The following ATF1 variants were observed in gnomAD, a reference collection of about 807,000 sequenced individuals.
ATF1 encodes activating transcription factor 1.
Under a neutral mutation model 34.7 loss-of-function variants are expected in ATF1, and 16 were observed. That is an observed-to-expected ratio of 0.46 (90% CI 0.31 to 0.70). The LOEUF is 0.70. Ranked by LOEUF, ATF1 falls within the 30% of genes least tolerant of loss-of-function variation. The pLI, the probability that ATF1 is intolerant of heterozygous loss-of-function variation, is 0.05. For missense variants in ATF1, 255 were observed against 321.6 expected, an observed-to-expected ratio of 0.79 and a Z score of 1.58; for synonymous variants, 105 against 113.1, an observed-to-expected ratio of 0.93 and a Z score of 0.46.
chr12:50,770,613 C>A (rs964619787), intron 1 of ATF1, among the ~76,000 whole-genome samples: 1 of 152,178 alleles, frequency 6.6e-6, no homozygotes, highest in Non-Finnish European at 1.5e-5. Flanking sequence ...GCACTTTATA[C>A]AAACAATCAG....
At chr12:50,803,892 T>A (rs1003278447) in intron 3 of ATF1, among the ~76,000 whole-genome samples, 1 of 152,176 alleles carries the variant, frequency 6.6e-6, no homozygotes, top group Admixed American at 6.5e-5. Context: ...ACGTCCAAAA[T>A]AGACAAATTT....
chr12:50,799,606 G>T (rs1315320056), intron 3 of ATF1, among the ~76,000 whole-genome samples: 2 of 152,068 alleles, frequency 1.3e-5, no homozygotes, highest in Non-Finnish European at 2.9e-5. Flanking sequence ...TTATTAAACT[G>T]TTCCAACAAG....
At chr12:50,795,415 A>T (rs1941389649) in intron 2 of ATF1, among the ~76,000 whole-genome samples, 1 of 151,966 alleles carries the variant, frequency 6.6e-6, no homozygotes, top group Non-Finnish European at 1.5e-5. Flanking sequence ...GGCTTTAAGG[A>T]CTCTAAAAAG....
intron 3 of ATF1, among the ~76,000 whole-genome samples, chr12:50,796,335 A>G (rs774171505): frequency 6.6e-6 from 1 of 152,194 alleles, no homozygotes; most frequent in Non-Finnish European, 1.5e-5. Flanking sequence ...TTGAAGTTAC[A>G]ATGATCTGTG....
At position 50,780,646 on chromosome 12, in the gene ATF1, T is replaced by C. The variant is rs563040678; in HGVS notation, c.93+408T>C. On this transcript the variant is annotated intron_variant, in intron 2 of 6. Coordinates refer to ENST00000262053, the MANE Select transcript of ATF1 (RefSeq NM_005171.5). ...AGGTGTGAGCCACCAGACCTGGCAT[T>C]AATGTTAAAAAAAAAAAAAAACAAA... Among the ~76,000 whole-genome samples the C allele has an allele frequency of 4.9e-4, 41 of 83,496 alleles. No individual in the cohort carries two copies. The South Asian group carries it at 0.016, about 32-fold the overall frequency. The allele number at this position is 83,496 out of a possible 152,430, so 54.8% of individuals were successfully genotyped here.
At chr12:50,794,544 G>A (rs1456934446) in intron 2 of ATF1, among the ~76,000 whole-genome samples, 4 of 150,862 alleles carry the variant, frequency 2.7e-5, no homozygotes, top group South Asian at 2.1e-4. Context: ...CAGCCTGGGC[G>A]ACACAGTGAT....
upstream of ATF1, chr12:50,763,612 T>A (rs1940543591): frequency 1.0e-5 from 1 of 100,380 alleles, no homozygotes. Flanking sequence ...CCCGTCTCAA[T>A]CTCGGAAAAA....
intron 2 of ATF1, among the ~76,000 whole-genome samples, chr12:50,786,273 T>C (rs919342801): frequency 6.6e-6 from 1 of 152,104 alleles, no homozygotes; most frequent in African/African-American, 2.4e-5. Context: ...CAAGAATAAG[T>C]TGTATGTTCT....
intron 3 of ATF1, among the ~76,000 whole-genome samples, chr12:50,804,877 T>C: frequency 6.6e-6 from 1 of 151,148 alleles, no homozygotes; most frequent in Non-Finnish European, 1.5e-5. Flanking sequence ...AGTGGCGCGA[T>C]CTTGGCTTAC....
intron 1 of ATF1, among the ~76,000 whole-genome samples, chr12:50,777,537 G>A (rs1448704069): frequency 6.6e-6 from 1 of 152,020 alleles, no homozygotes; most frequent in Non-Finnish European, 1.5e-5. Context: ...ACTTTGGGAG[G>A]CCGAGGCAGA....
At chr12:50,783,999 A>G (rs1263745733) in intron 2 of ATF1, among the ~76,000 whole-genome samples, 2 of 151,984 alleles carry the variant, frequency 1.3e-5, no homozygotes, top group Non-Finnish European at 2.9e-5. Flanking sequence ...TGTCTCTACT[A>G]AAAAATAAAA....
At chr12:50,775,679 A>G (rs1419829534) in intron 1 of ATF1, 1 of 152,444 alleles carries the variant, frequency 6.6e-6, no homozygotes, top group Non-Finnish European at 1.5e-5. Flanking sequence ...GCAAAACAAA[A>G]GTATCATTTC....
chr12:50,784,049 A>G (rs1223109814), intron 2 of ATF1, among the ~76,000 whole-genome samples: 1 of 151,716 alleles, frequency 6.6e-6, no homozygotes, highest in Non-Finnish European at 1.5e-5. Context: ...TGCAGTCCCA[A>G]CTACTCAGGA....
At chr12:50,771,040 C>G (rs1409633521) in intron 1 of ATF1, among the ~76,000 whole-genome samples, 1 of 151,392 alleles carries the variant, frequency 6.6e-6, no homozygotes, top group Non-Finnish European at 1.5e-5. Flanking sequence ...GAGTCTTGTT[C>G]TGTCGCCCAG....
At chr12:50,810,995 A>T (rs1283829222) in intron 4 of ATF1, among the ~76,000 whole-genome samples, 1 of 152,180 alleles carries the variant, frequency 6.6e-6, no homozygotes, top group Admixed American at 6.5e-5. Context: ...CATTACATTT[A>T]GGATCTGCCT....
intron 3 of ATF1, among the ~76,000 whole-genome samples, chr12:50,798,401 T>C (rs1007033394): frequency 2.0e-5 from 3 of 151,128 alleles, no homozygotes; most frequent in Non-Finnish European, 4.4e-5. Context: ...CTCCGCCTCC[T>C]GGGTTCATGC....
intron 6 of ATF1, 21 bp downstream of exon 6, chr12:50,814,460 A>G (rs1473235640): frequency 6.2e-7 from 1 of 1,607,782 alleles, no homozygotes; most frequent in Non-Finnish European, 8.5e-7. Context: ...AAATCGTAGT[A>G]CCAGAATGGG....
intron 1 of ATF1, among the ~76,000 whole-genome samples, chr12:50,767,444 C>T (rs576985086): frequency 3.9e-5 from 6 of 152,248 alleles, no homozygotes; most frequent in South Asian, 4.1e-4. Context: ...CACTTGAACC[C>T]GGGAGGCGGA....
intron 6 of ATF1, among the ~76,000 whole-genome samples, chr12:50,815,639 C>T (rs1941829167): frequency 6.6e-6 from 1 of 151,744 alleles, no homozygotes; most frequent in Admixed American, 6.6e-5. Flanking sequence ...CATCCACCTG[C>T]CTCAGCCTCC....
Sources: allele counts gnomAD v4.1 joint callset (sites outside exome capture counted in the v4.1 genomes callset), GRCh38; gene constraint gnomAD v4.1.1; transcripts MANE v1.5; gene names NCBI Gene and HGNC (gene_info 2026-07-23, HGNC 2026-07-21).